Variants in DACH1 observed in about 807,000 individuals in gnomAD.
DACH1 encodes the protein dachshund family transcription factor 1.
In DACH1, 12 loss-of-function variants were observed where a neutral mutation model predicts 54.2. The observed-to-expected ratio is 0.22, with a 90% confidence interval of 0.14 to 0.36. The LOEUF is 0.36. Among genes scored for constraint, DACH1 ranks in the 10% least tolerant of loss-of-function variants. The probability of loss-of-function intolerance (pLI) is 1.00; values close to 1 mark genes in which losing one functional copy is unlikely to be tolerated. For synonymous variants in DACH1, 386 were observed against 366.2 expected, an observed-to-expected ratio of 1.05 and a Z score of -0.62; for missense variants, 805 against 929.8, an observed-to-expected ratio of 0.87 and a Z score of 1.75.
chr13:71,546,410 C>T (rs1018907699), intron 6 of DACH1, among the ~76,000 whole-genome samples: 3 of 151,842 alleles, frequency 2.0e-5, no homozygotes, highest in African/African-American at 7.2e-5. Flanking sequence ...TAATAAATGG[C>T]TCCTCCTGAA....
At chr13:71,763,614 C>T (rs1885493004) in intron 1 of DACH1, among the ~76,000 whole-genome samples, 1 of 151,920 alleles carries the variant, frequency 6.6e-6, no homozygotes, top group African/African-American at 2.4e-5. Flanking sequence ...CCTCTCACCT[C>T]AGCCTCCTAA....
rs542086980 is a variant in DACH1 at position 71,792,170 on chromosome 13, C to T, written c.848+73752G>A. On this transcript the variant is annotated intron_variant, in intron 1 of 10. Coordinates refer to ENST00000613252, the MANE Select transcript of DACH1 (RefSeq NM_080759.6). ...ATTTCATATATAACCCAACCCAATG[C>T]ATTTTACTCTAACTTTTCCGCCCAG... Among the ~76,000 whole-genome samples, 4 of 152,256 alleles carry T rather than the reference C, an allele frequency of 2.6e-5. No individual in the cohort carries two copies. In the South Asian group the frequency reaches 8.3e-4, roughly 32 times the overall value.
intron 3 of DACH1, among the ~76,000 whole-genome samples, chr13:71,610,519 G>T (rs1159484533): frequency 6.6e-6 from 1 of 152,094 alleles, no homozygotes; most frequent in African/African-American, 2.4e-5. Flanking sequence ...AAATCTTAAA[G>T]AGAGAGCATC....
chr13:71,705,501 CTCA>C (rs1302809425), intron 1 of DACH1, among the ~76,000 whole-genome samples: 1 of 152,120 alleles, frequency 6.6e-6, no homozygotes, highest in Non-Finnish European at 1.5e-5. Flanking sequence ...TCATTTAGAA[CTCA>C]TCATTAAAAA....
chr13:71,729,345 T>A (rs1883634117), intron 1 of DACH1, among the ~76,000 whole-genome samples: 1 of 152,016 alleles, frequency 6.6e-6, no homozygotes, highest in Non-Finnish European at 1.5e-5. Flanking sequence ...AACATTCTGA[T>A]AGATTTTAAG....
At chr13:71,699,832 C>G (rs2138746265) in intron 1 of DACH1, among the ~76,000 whole-genome samples, 1 of 152,164 alleles carries the variant, frequency 6.6e-6, no homozygotes, top group South Asian at 2.1e-4. Flanking sequence ...TCAGCTTTTC[C>G]AACTATATTT....
chr13:71,783,025 T>A (rs1886449504), intron 1 of DACH1, among the ~76,000 whole-genome samples: 1 of 152,074 alleles, frequency 6.6e-6, no homozygotes, highest in African/African-American at 2.4e-5. Context: ...GGATCAATAA[T>A]AAGAAACTGG....
chr13:71,675,393 G>A (rs1880499751), intron 2 of DACH1: 1 of 1,469,224 alleles, frequency 6.8e-7, no homozygotes, highest in Non-Finnish European at 9.4e-7. Flanking sequence ...ACACCAACCT[G>A]TGTGCTATCC....
intron 1 of DACH1, 142 bp downstream of exon 1, chr13:71,865,780 G>T: frequency 7.9e-7 from 1 of 1,259,452 alleles, no homozygotes; most frequent in Non-Finnish European, 1.0e-6. Context: ...CGAGCCCCGA[G>T]CAGGGAGAGG....
At chr13:71,538,832 T>A (rs899510497) in intron 6 of DACH1, among the ~76,000 whole-genome samples, 1 of 152,092 alleles carries the variant, frequency 6.6e-6, no homozygotes, top group Non-Finnish European at 1.5e-5. Context: ...CAGGGTCAGG[T>A]TAAAACATGT....
intron 1 of DACH1, among the ~76,000 whole-genome samples, chr13:71,835,103 TG>T (rs1231439511): frequency 6.6e-6 from 1 of 152,046 alleles, no homozygotes; most frequent in Non-Finnish European, 1.5e-5. Flanking sequence ...ACATATTTGC[TG>T]GTGAAAACTT....
At chr13:71,537,889 GTAT>G (rs1249685503) in intron 6 of DACH1, among the ~76,000 whole-genome samples, 1 of 151,860 alleles carries the variant, frequency 6.6e-6, no homozygotes, top group Non-Finnish European at 1.5e-5. Context: ...TATATTTGTT[GTAT>G]TTTTTCATAA....
intron 1 of DACH1, among the ~76,000 whole-genome samples, chr13:71,808,344 A>G (rs1887590531): frequency 6.6e-6 from 1 of 152,070 alleles, no homozygotes; most frequent in African/African-American, 2.4e-5. Context: ...TTCATTATTG[A>G]CCAGGATTAT....
intron 1 of DACH1, among the ~76,000 whole-genome samples, chr13:71,816,644 G>A (rs1887958400): frequency 5.1e-5 from 1 of 19,548 alleles, no homozygotes; most frequent in Non-Finnish European, 1.4e-4. Flanking sequence ...ACACATATGT[G>A]TGTATATATA....
At chr13:71,598,299 C>A (rs1199103312) in intron 3 of DACH1, among the ~76,000 whole-genome samples, 1 of 151,894 alleles carries the variant, frequency 6.6e-6, no homozygotes, top group Non-Finnish European at 1.5e-5. Flanking sequence ...CTGTTGCCCA[C>A]CCTGGAGTGC....
chr13:71,448,760 A>G (rs937184727), intron 10 of DACH1, among the ~76,000 whole-genome samples: 5 of 152,028 alleles, frequency 3.3e-5, no homozygotes, highest in Admixed American at 6.6e-5. Flanking sequence ...AGACTAATAT[A>G]TTCAAAGCTG....
chr13:71,665,149 T>C (rs1247915349), intron 2 of DACH1, among the ~76,000 whole-genome samples: 1 of 151,944 alleles, frequency 6.6e-6, no homozygotes, highest in East Asian at 1.9e-4. Context: ...CGTTCAGAAA[T>C]AACTCTAATA....
intron 3 of DACH1, among the ~76,000 whole-genome samples, chr13:71,602,211 A>C (rs1874543880): frequency 6.6e-6 from 1 of 152,048 alleles, no homozygotes; most frequent in Non-Finnish European, 1.5e-5. Flanking sequence ...TTTAATAATT[A>C]AATTTTATTT....
At chr13:71,561,316 T>C (rs115250786) in intron 4 of DACH1, among the ~76,000 whole-genome samples, 98 of 152,330 alleles carry the variant, frequency 6.4e-4, no homozygotes, top group African/African-American at 2.2e-3. Flanking sequence ...TCCCTATCAA[T>C]ATGAATGTAC....
Sources: gnomAD v4.1 joint callset for allele counts (sites outside exome capture counted in the v4.1 genomes callset) on GRCh38, gnomAD v4.1.1 for gene constraint, MANE v1.5 for transcripts, NCBI Gene and HGNC (gene_info 2026-07-23, HGNC 2026-07-21) for gene names.